The following NPSR1 variants were observed in gnomAD, a reference collection of about 807,000 sequenced individuals.
NPSR1 encodes neuropeptide S receptor 1, also known as neuropeptide S receptor.
A neutral mutation model predicts 46.9 loss-of-function variants in NPSR1; 48 were observed. The ratio of observed to expected loss-of-function variants is 1.02; its 90% CI spans 0.81 to 1.30. The LOEUF is 1.30. Among genes scored for constraint, NPSR1 ranks in the 50% most tolerant of loss-of-function variants. The pLI is 0.00. For missense variants in NPSR1, 450 were observed against 449.5 expected, an observed-to-expected ratio of 1.00 and a Z score of -0.01; for synonymous variants, 176 against 168.1, an observed-to-expected ratio of 1.05 and a Z score of -0.36.
rs149566426 is a variant in NPSR1, at chr7:34,690,621, G to T, written c.280+5937G>T. 7.1e-3 allele frequency among the ~76,000 whole-genome samples: 1,080 copies of T among 152,134 alleles called. 14 individuals carry two copies. The highest frequency in any genetic ancestry group is 0.025 in the African/African-American group (1,038 of 41,510). ...GCTTCAACAATAGGCTAGACCAAGT[G>T]GAAGAAAGACTTTCAGAACTAGAAG... On this transcript the variant is annotated intron_variant, in intron 2 of 8. Coordinates refer to ENST00000360581, the MANE Select transcript of NPSR1 (RefSeq NM_207172.2).
At chr7:34,728,329 C>T (rs970509602) in intron 2 of NPSR1, among the ~76,000 whole-genome samples, 4 of 152,134 alleles carry the variant, frequency 2.6e-5, no homozygotes, top group African/African-American at 7.2e-5. Context: ...GAACATCCTC[C>T]CAATCTATTC....
At chr7:34,673,729 G>A (rs114012631) in intron 1 of NPSR1, among the ~76,000 whole-genome samples, 2,261 of 152,274 alleles carry the variant, frequency 0.015, 24 homozygotes, top group Middle Eastern at 0.034. Context: ...AGTGATATGA[G>A]AAGCCTTACA....
At chr7:34,757,669 C>T (rs956762517) in intron 2 of NPSR1, among the ~76,000 whole-genome samples, 9 of 152,192 alleles carry the variant, frequency 5.9e-5, no homozygotes, top group African/African-American at 2.2e-4. Flanking sequence ...GATCAGCCAC[C>T]CACTAGGCTG....
chr7:34,733,289 G>A (rs747698932), intron 2 of NPSR1, among the ~76,000 whole-genome samples: 15 of 151,984 alleles, frequency 9.9e-5, no homozygotes, highest in Admixed American at 5.2e-4. Flanking sequence ...GCACGATGGC[G>A]GTTGCCTGTA....
chr7:34,663,035 G>A (rs1384742152), intron 1 of NPSR1, among the ~76,000 whole-genome samples: 1 of 83,094 alleles, frequency 1.2e-5, no homozygotes, highest in Non-Finnish European at 2.3e-5. Context: ...TGCTTCTGTA[G>A]TGCATTTCTC....
intron 2 of NPSR1, chr7:34,751,109 T>A (rs563125358): frequency 4.9e-6 from 4 of 820,234 alleles, no homozygotes; most frequent in Non-Finnish European, 8.8e-6. Flanking sequence ...TCAGGTGGAG[T>A]CATCACCAGC....
In NPSR1 at chr7:34,863,008, A is replaced by G. The variant is rs191298006; in HGVS notation, c.1025+14345A>G. 3.6e-3 allele frequency among the ~76,000 whole-genome samples: 543 copies of G among 151,938 alleles called. 3 individuals are homozygous for G. Among genetic ancestry groups the G allele is most frequent in the Non-Finnish European group, 5.8e-3 (393 of 68,030 alleles). On this transcript the variant is annotated intron_variant, in intron 8 of 8. Transcript: ENST00000359791. ...ACTACAAGGCTACAGTAACCAAAAC[A>G]GCATGATACTGGTACCAAAACAGAT...
At position 34,848,494 on chromosome 7, in the gene NPSR1, T is replaced by C. The variant is rs988569362; in HGVS notation, c.856T>C (p.Cys286Arg). 3 of 1,614,196 alleles carry C rather than the reference T, an allele frequency of 1.9e-6. No individual in the cohort carries two copies. The highest frequency in any genetic ancestry group is 2.5e-6 in the Non-Finnish European group (3 of 1,180,006). ...SIIIILAFIC[C>R]WSPYFLFDIL... Reference sequence around the variant, plus strand: ...CTCTTCTCCCCCAGCCTTCATCTGCTGTTGGAGTCCATACTTCCTGTTTGA... The same window carrying C: ...CTCTTCTCCCCCAGCCTTCATCTGCCGTTGGAGTCCATACTTCCTGTTTGA... The change falls in exon 8 of 9, where the codon TGT becomes CGT. Residue 286 changes from cysteine (C) to arginine (R), a missense_variant. By Grantham distance (180) the Cys-to-Arg change is radical. Transcript: ENST00000360581.
At chr7:34,731,839 A>C (rs889872494) in intron 2 of NPSR1, among the ~76,000 whole-genome samples, 1 of 152,146 alleles carries the variant, frequency 6.6e-6, no homozygotes, top group East Asian at 1.9e-4. Context: ...ACGTGTGAAA[A>C]GAGAGGAACA....
At chr7:34,680,562 A>AG (rs1394282054) in intron 1 of NPSR1, among the ~76,000 whole-genome samples, 1 of 152,202 alleles carries the variant, frequency 6.6e-6, no homozygotes, top group African/African-American at 2.4e-5. Context: ...AGAGAAAAAA[A>AG]GTACGGTACC....
intron 2 of NPSR1, among the ~76,000 whole-genome samples, chr7:34,688,942 G>T (rs576773813): frequency 2.8e-4 from 43 of 152,302 alleles, no homozygotes; most frequent in African/African-American, 9.9e-4. Context: ...TCTAGATTAG[G>T]AATTTAAGCT....
intron 8 of NPSR1, among the ~76,000 whole-genome samples, chr7:34,864,457 C>T (rs1039845835): frequency 4.6e-5 from 7 of 151,280 alleles, no homozygotes; most frequent in African/African-American, 1.7e-4. Flanking sequence ...AACTCCTTCT[C>T]ATCATGAATT....
chr7:34,680,689 G>C (rs1228358031), intron 1 of NPSR1, among the ~76,000 whole-genome samples: 6 of 152,110 alleles, frequency 3.9e-5, no homozygotes, highest in African/African-American at 9.7e-5. Flanking sequence ...GAATAAAAAT[G>C]AAAAACCTGC....
chr7:34,766,634 G>A (rs868461432), intron 2 of NPSR1, among the ~76,000 whole-genome samples: 9 of 151,640 alleles, frequency 5.9e-5, no homozygotes, highest in Middle Eastern at 3.4e-3. Flanking sequence ...GTGCAGTGGC[G>A]CAACCTCAGC....
chr7:34,757,745 T>C (rs112129537), intron 2 of NPSR1, among the ~76,000 whole-genome samples: 77 of 152,314 alleles, frequency 5.1e-4, no homozygotes, highest in Non-Finnish European at 1.0e-3. Context: ...AGCTTTCTTC[T>C]GGCCATGCGA....
At chr7:34,865,110 G>A (rs1269783400) in intron 8 of NPSR1, among the ~76,000 whole-genome samples, 1 of 151,888 alleles carries the variant, frequency 6.6e-6, no homozygotes, top group East Asian at 1.9e-4. Flanking sequence ...AGAGGGCAAA[G>A]CCACCAGATG....
intron 8 of NPSR1, among the ~76,000 whole-genome samples, chr7:34,868,931 A>G (rs973082548): frequency 2.0e-5 from 3 of 151,738 alleles, no homozygotes; most frequent in African/African-American, 7.3e-5. Flanking sequence ...ACTTGCAACA[A>G]GCCTGCTTGC....
chr7:34,771,702 G>A (rs1450629529), intron 2 of NPSR1, among the ~76,000 whole-genome samples: 4 of 152,122 alleles, frequency 2.6e-5, no homozygotes, highest in African/African-American at 9.7e-5. Context: ...GAAGGCAGTC[G>A]AGCACTGACT....
In NPSR1 at chr7:34,848,465, G is replaced by A; in HGVS notation, c.845-18G>A. 6.2e-7 allele frequency: 1 copy of A among 1,612,618 alleles called. No homozygotes were observed. Reference sequence around the variant, plus strand: ...AACTGCTACCTGCTGTGATGCTAATGGCTCTCTTCTCCCCCAGCCTTCATC... The same window carrying A: ...AACTGCTACCTGCTGTGATGCTAATAGCTCTCTTCTCCCCCAGCCTTCATC... On this transcript the variant is annotated intron_variant, in intron 7 of 8. Coordinates refer to ENST00000360581, the MANE Select transcript of NPSR1 (RefSeq NM_207172.2).
Sources: gnomAD v4.1 joint callset for allele counts (sites outside exome capture counted in the v4.1 genomes callset) on GRCh38, gnomAD v4.1.1 for gene constraint, MANE v1.5 for transcripts, NCBI Gene and HGNC (gene_info 2026-07-23, HGNC 2026-07-21) for gene names.